The following SPAG16 variants were observed in gnomAD, a reference collection of about 807,000 sequenced individuals.
SPAG16 encodes sperm associated antigen 16, also known as sperm-associated antigen 16 protein.
In SPAG16, 86 loss-of-function variants were observed where a neutral mutation model predicts 80.4. That is an observed-to-expected ratio of 1.07 (90% CI 0.90 to 1.28). The LOEUF is 1.28. Among genes scored for constraint, SPAG16 ranks in the 50% most tolerant of loss-of-function variants. The pLI, the probability that SPAG16 is intolerant of heterozygous loss-of-function variation, is 0.00. For synonymous variants in SPAG16, 294 were observed against 265.9 expected (o/e 1.11, Z -1.03); for missense variants, 870 against 765.3 (o/e 1.14, Z -1.61).
chr2:214,150,625 C>T (rs552677111), intron 15 of SPAG16, among the ~76,000 whole-genome samples: 1 of 152,126 alleles, frequency 6.6e-6, no homozygotes, highest in African/African-American at 2.4e-5. Flanking sequence ...TTATCTTGAG[C>T]TAGCATTCAA....
chr2:213,870,579 C>A (rs1228794185), intron 11 of SPAG16, among the ~76,000 whole-genome samples: 1 of 152,146 alleles, frequency 6.6e-6, no homozygotes, highest in African/African-American at 2.4e-5. Flanking sequence ...AAACTCCCAG[C>A]ACCTCAGTTG....
chr2:214,309,225 A>T (rs1695123207), intron 15 of SPAG16, among the ~76,000 whole-genome samples: 1 of 151,758 alleles, frequency 6.6e-6, no homozygotes, highest in Non-Finnish European at 1.5e-5. Flanking sequence ...CTTGTTTTTA[A>T]GTTCTGTCAG....
At chr2:213,357,228 T>C (rs1385850595) in intron 7 of SPAG16, among the ~76,000 whole-genome samples, 1 of 152,180 alleles carries the variant, frequency 6.6e-6, no homozygotes. Context: ...AGAATGTATA[T>C]TCTTTTGATT....
intron 8 of SPAG16, chr2:213,365,041 A>G (rs924061409): frequency 6.6e-6 from 1 of 152,210 alleles, no homozygotes; most frequent in Non-Finnish European, 1.5e-5. Flanking sequence ...CTTTCCATGG[A>G]TCCACCCTAA....
intron 10 of SPAG16, among the ~76,000 whole-genome samples, chr2:213,793,575 T>G (rs1184205030): frequency 6.6e-6 from 1 of 152,204 alleles, no homozygotes; most frequent in Admixed American, 6.5e-5. Context: ...AAAATACTTA[T>G]GAAAAACTGA....
At chr2:213,886,341 T>C (rs541807993) in intron 11 of SPAG16, among the ~76,000 whole-genome samples, 1 of 152,154 alleles carries the variant, frequency 6.6e-6, no homozygotes, top group Non-Finnish European at 1.5e-5. Flanking sequence ...GAAACTAGAA[T>C]CCCTTTGGCC....
At chr2:213,398,245 T>C (rs59253430) in intron 9 of SPAG16, among the ~76,000 whole-genome samples, 11,254 of 152,094 alleles carry the variant, frequency 0.074, 1,377 homozygotes, top group African/African-American at 0.25. Flanking sequence ...TTGTCTTTAC[T>C]TTTCTTCAGT....
intron 14 of SPAG16, among the ~76,000 whole-genome samples, chr2:214,139,793 A>G (rs534432110): frequency 2.0e-5 from 3 of 152,306 alleles, no homozygotes; most frequent in East Asian, 3.9e-4. Flanking sequence ...GAAGCCCAGT[A>G]TACTGTGGCT....
intron 5 of SPAG16, among the ~76,000 whole-genome samples, chr2:213,330,345 G>A (rs752954603): frequency 2.6e-5 from 4 of 151,798 alleles, no homozygotes; most frequent in Non-Finnish European, 5.9e-5. Flanking sequence ...CAGGGGTGGA[G>A]CTTCCCAAGA....
chr2:214,302,573 T>C (rs1431485209), intron 15 of SPAG16, among the ~76,000 whole-genome samples: 1 of 152,114 alleles, frequency 6.6e-6, no homozygotes, highest in Non-Finnish European at 1.5e-5. Flanking sequence ...CTCTGCCTCC[T>C]GGGTTCAAGC....
chr2:213,641,618 C>A (rs1482948926), intron 10 of SPAG16, among the ~76,000 whole-genome samples: 1 of 152,186 alleles, frequency 6.6e-6, no homozygotes, highest in Admixed American at 6.5e-5. Flanking sequence ...GGCATGCCTA[C>A]AAGGCTCTTC....
chr2:214,278,633 A>C (rs545491240), intron 15 of SPAG16, among the ~76,000 whole-genome samples: 1 of 152,292 alleles, frequency 6.6e-6, no homozygotes, highest in East Asian at 1.9e-4. Flanking sequence ...CTTTGAGAAA[A>C]AACTTATTTT....
chr2:213,310,136 A>C lies in SPAG16; in HGVS notation c.357A>C (p.Lys119Asn). 6.2e-7 allele frequency: 1 copy of C among 1,611,734 alleles called. No homozygotes were observed. The highest frequency in any genetic ancestry group is 8.5e-7 in the Non-Finnish European group (1 of 1,178,440). Residue 119 changes from lysine to asparagine, a missense_variant, in exon 4 of 16, where the codon AAA becomes AAC. Transcript: ENST00000331683. ...ACTTTCTCTGCAATTTCTTGATCAAAATGGGAATGACCAGAACTCTTGATT... is the reference window on the plus strand; with the variant it reads ...ACTTTCTCTGCAATTTCTTGATCAACATGGGAATGACCAGAACTCTTGATT... ...IEDFLCNFLI[K>N]MGMTRTLDCF...
chr2:213,859,964 C>A (rs1017509087), intron 10 of SPAG16, among the ~76,000 whole-genome samples: 1 of 141,430 alleles, frequency 7.1e-6, no homozygotes, highest in African/African-American at 2.5e-5. Context: ...ATTAAATTTT[C>A]AAACAATGTT....
At chr2:213,952,285 A>C (rs985364253) in intron 12 of SPAG16, among the ~76,000 whole-genome samples, 4 of 152,106 alleles carry the variant, frequency 2.6e-5, no homozygotes, top group Non-Finnish European at 5.9e-5. Flanking sequence ...ATACATAAAA[A>C]TGTAATTAAT....
intron 10 of SPAG16, among the ~76,000 whole-genome samples, chr2:213,792,110 T>C (rs894710547): frequency 6.6e-6 from 1 of 152,142 alleles, no homozygotes; most frequent in African/African-American, 2.4e-5. Flanking sequence ...GTGTTACCAA[T>C]TAAAAACAAA....
At chr2:213,520,404 G>A (rs968579627) in intron 10 of SPAG16, among the ~76,000 whole-genome samples, 2 of 151,814 alleles carry the variant, frequency 1.3e-5, no homozygotes, top group East Asian at 1.9e-4. Context: ...GGCTAACACG[G>A]TGAAACCCCG....
At chr2:213,377,368 T>C (rs1213815991) in intron 9 of SPAG16, among the ~76,000 whole-genome samples, 2 of 152,178 alleles carry the variant, frequency 1.3e-5, no homozygotes, top group African/African-American at 2.4e-5. Context: ...TTAAAGCTGC[T>C]CAGTGGAGGT....
At chr2:213,879,671 T>C (rs1339912189) in intron 11 of SPAG16, among the ~76,000 whole-genome samples, 1 of 152,040 alleles carries the variant, frequency 6.6e-6, no homozygotes, top group African/African-American at 2.4e-5. Context: ...TGTCTATTGT[T>C]CCCATTTTTA....
Sources: gnomAD v4.1 joint callset for allele counts (sites outside exome capture counted in the v4.1 genomes callset) on GRCh38, gnomAD v4.1.1 for gene constraint, MANE v1.5 for transcripts, NCBI Gene and HGNC (gene_info 2026-07-23, HGNC 2026-07-21) for gene names.